Variants in TBC1D19 observed in about 807,000 individuals in gnomAD.
The protein encoded by TBC1D19 is TBC1 domain family, member 19.
TBC1D19 carries 60 observed loss-of-function variants against 89.0 expected under a neutral mutation model. The ratio of observed to expected loss-of-function variants is 0.67; its 90% confidence interval spans 0.55 to 0.84. The LOEUF (loss-of-function observed/expected upper bound fraction) is 0.84. TBC1D19 is among the 40% of genes least tolerant of loss of function. The pLI, the probability that TBC1D19 is intolerant of heterozygous loss-of-function variation, is 0.00. For synonymous variants in TBC1D19, 189 were observed against 199.7 expected, an observed-to-expected ratio of 0.95 and a Z score of 0.45; for missense variants, 500 against 610.8, an observed-to-expected ratio of 0.82 and a Z score of 1.91.
At chr4:26,712,142 G>A (rs916691107) in intron 13 of TBC1D19, among the ~76,000 whole-genome samples, 1 of 152,032 alleles carries the variant, frequency 6.6e-6, no homozygotes, top group African/African-American at 2.4e-5. Flanking sequence ...GTAGAAAGTT[G>A]TTTGTAAGTA....
At chr4:26,584,724 C>T (rs926577494) in intron 1 of TBC1D19, among the ~76,000 whole-genome samples, 2 of 152,182 alleles carry the variant, frequency 1.3e-5, no homozygotes, top group Admixed American at 1.3e-4. Context: ...TACCTTTCTG[C>T]TTTCTCGTCA....
the TBC1D19 span, among the ~76,000 whole-genome samples, chr4:26,832,429 A>G: frequency 1.3e-5 from 2 of 152,244 alleles, no homozygotes; most frequent in Non-Finnish European, 2.9e-5. Flanking sequence ...AAAAAAGAAA[A>G]TATAATGCTC....
intron 7 of TBC1D19, among the ~76,000 whole-genome samples, chr4:26,654,276 A>C (rs1744625472): frequency 6.6e-6 from 1 of 152,120 alleles, no homozygotes; most frequent in Non-Finnish European, 1.5e-5. Context: ...TTTGTGGGTA[A>C]CCCAACCTTT....
At chr4:26,674,345 T>C (rs1684039914) in intron 11 of TBC1D19, among the ~76,000 whole-genome samples, 1 of 152,132 alleles carries the variant, frequency 6.6e-6, no homozygotes, top group Non-Finnish European at 1.5e-5. Flanking sequence ...TTTTTCTATA[T>C]GTAAGAACAT....
At chr4:26,728,781 A>AG (rs1292316494) in intron 15 of TBC1D19, among the ~76,000 whole-genome samples, 1 of 152,166 alleles carries the variant, frequency 6.6e-6, no homozygotes, top group Non-Finnish European at 1.5e-5. Flanking sequence ...TGGGAGGTTG[A>AG]GGCGGGCGGA....
At chr4:26,751,703 C>T (rs746312427) in intron 19 of TBC1D19, among the ~76,000 whole-genome samples, 3 of 151,930 alleles carry the variant, frequency 2.0e-5, no homozygotes, top group Non-Finnish European at 2.9e-5. Context: ...CTTTTTTGCC[C>T]GACTGTCCAA....
chr4:26,683,900 G>A (rs1713576792), intron 12 of TBC1D19, 151 bp downstream of exon 12: 1 of 610,498 alleles, frequency 1.6e-6, no homozygotes, highest in Admixed American at 3.9e-5. Context: ...GTTAAAGTTG[G>A]TGTTCAAAAT....
intron 15 of TBC1D19, among the ~76,000 whole-genome samples, chr4:26,734,979 T>C (rs549194791): frequency 6.7e-6 from 1 of 149,338 alleles, no homozygotes; most frequent in African/African-American, 2.5e-5. Flanking sequence ...TGTATACACA[T>C]ATGTATATGT....
chr4:26,682,993 T>A (rs978638601), intron 11 of TBC1D19, among the ~76,000 whole-genome samples: 8 of 152,168 alleles, frequency 5.3e-5, no homozygotes, highest in African/African-American at 1.7e-4. Flanking sequence ...TTGCCCAGGC[T>A]GGAGAGCAGT....
chr4:26,673,472 C>CACACACACACACACAT (rs1381207843), intron 10 of TBC1D19, among the ~76,000 whole-genome samples: 2 of 148,824 alleles, frequency 1.3e-5, no homozygotes, highest in African/African-American at 4.9e-5. Context: ...CACACACACA[C>CACACACACACACACAT]ACAATACTAG....
intron 11 of TBC1D19, among the ~76,000 whole-genome samples, chr4:26,679,024 G>A (rs776315603): frequency 6.6e-6 from 1 of 152,164 alleles, no homozygotes; most frequent in Non-Finnish European, 1.5e-5. Context: ...TAAAAGTTTG[G>A]AAAATTTGCA....
chr4:26,816,653 G>A, the TBC1D19 span, among the ~76,000 whole-genome samples: 1 of 152,154 alleles, frequency 6.6e-6, no homozygotes, highest in East Asian at 1.9e-4. Context: ...ATTCAATCAT[G>A]AGAAAACATC....
At chr4:26,842,124 G>A in the TBC1D19 span, among the ~76,000 whole-genome samples, 1 of 151,702 alleles carries the variant, frequency 6.6e-6, no homozygotes, top group Non-Finnish European at 1.5e-5. Flanking sequence ...TTTTTATCAG[G>A]CCCCACAAAT....
At chr4:26,716,238 G>C (rs1050152152) in intron 13 of TBC1D19, among the ~76,000 whole-genome samples, 1 of 152,070 alleles carries the variant, frequency 6.6e-6, no homozygotes, top group African/African-American at 2.4e-5. Flanking sequence ...CATAGTAGGG[G>C]CAGAAGAAGA....
intron 1 of TBC1D19, among the ~76,000 whole-genome samples, chr4:26,578,899 A>G (rs371600327): frequency 6.6e-6 from 1 of 152,158 alleles, no homozygotes; most frequent in Admixed American, 6.5e-5. Context: ...CCTTAGTTGA[A>G]AGCAATTTAT....
chr4:26,690,085 A>G (rs1411638828), intron 13 of TBC1D19, among the ~76,000 whole-genome samples: 1 of 152,222 alleles, frequency 6.6e-6, no homozygotes, highest in Non-Finnish European at 1.5e-5. Context: ...TGTTGCTGAT[A>G]TGGAGAAAAT....
At chr4:26,649,332 C>A (rs1744174019) in intron 7 of TBC1D19, among the ~76,000 whole-genome samples, 1 of 151,664 alleles carries the variant, frequency 6.6e-6, no homozygotes, top group Non-Finnish European at 1.5e-5. Flanking sequence ...CTTTTTTTTC[C>A]CAATACCCCC....
At chr4:26,734,934 G>GTGTATATATGTATACACATACGTATA (rs1717884109) in intron 15 of TBC1D19, among the ~76,000 whole-genome samples, 1 of 118,056 alleles carries the variant, frequency 8.5e-6, no homozygotes. Context: ...ACATATATGT[G>GTGTATATATGTATACACATACGTATA]TGTATATATG....
chr4:26,637,579 A>T (rs1173888043), intron 5 of TBC1D19, among the ~76,000 whole-genome samples: 1 of 152,036 alleles, frequency 6.6e-6, no homozygotes, highest in Non-Finnish European at 1.5e-5. Context: ...TCACTGTGTT[A>T]GTCAGGAGGG....
Sources: gnomAD v4.1 joint callset for allele counts (sites outside exome capture counted in the v4.1 genomes callset) on GRCh38, gnomAD v4.1.1 for gene constraint, MANE v1.5 for transcripts, NCBI Gene and HGNC (gene_info 2026-07-23, HGNC 2026-07-21) for gene names.